GPC6: variants seen among roughly 807,000 people sequenced by gnomAD.
The protein encoded by GPC6 is glypican-6.
Under a neutral mutation model 55.2 loss-of-function variants are expected in GPC6, and 14 were observed. That is an observed-to-expected ratio of 0.25 (90% CI 0.17 to 0.40). The LOEUF (loss-of-function observed/expected upper bound fraction) is 0.40. Among genes scored for constraint, GPC6 ranks in the 10% least tolerant of loss-of-function variants. GPC6 has a pLI of 1.00. For synonymous variants in GPC6, 278 were observed against 259.6 expected (o/e 1.07, Z -0.68); for missense variants, 641 against 708.5 (o/e 0.90, Z 1.08).
At chr13:93,979,197 G>A (rs552846644) in intron 3 of GPC6, among the ~76,000 whole-genome samples, 1 of 151,894 alleles carries the variant, frequency 6.6e-6, no homozygotes. Flanking sequence ...GGGTGTGACT[G>A]AATTTATTAC....
At chr13:93,430,640 G>A (rs1324400519) in intron 1 of GPC6, among the ~76,000 whole-genome samples, 28 of 152,162 alleles carry the variant, frequency 1.8e-4, no homozygotes, top group African/African-American at 2.4e-5. Context: ...GCCATACTGA[G>A]TACAGAATTT....
chr13:94,109,272 G>T (rs1191636529), intron 4 of GPC6, among the ~76,000 whole-genome samples: 1 of 152,140 alleles, frequency 6.6e-6, no homozygotes, highest in Admixed American at 6.5e-5. Context: ...CAGAATTCTT[G>T]TAACAATCCC....
intron 1 of GPC6, among the ~76,000 whole-genome samples, chr13:93,283,432 T>A (rs1290294671): frequency 6.6e-6 from 1 of 152,198 alleles, no homozygotes; most frequent in Non-Finnish European, 1.5e-5. Context: ...CGGGCTGCTA[T>A]CAGTAATTCA....
intron 2 of GPC6, among the ~76,000 whole-genome samples, chr13:93,721,480 G>A (rs1363146000): frequency 6.6e-6 from 1 of 151,532 alleles, no homozygotes; most frequent in Non-Finnish European, 1.5e-5. Context: ...CATAAGTGTG[G>A]CAAAATGCAA....
At chr13:93,294,831 A>G (rs781498854) in intron 1 of GPC6, among the ~76,000 whole-genome samples, 2 of 152,054 alleles carry the variant, frequency 1.3e-5, no homozygotes, top group Non-Finnish European at 2.9e-5. Flanking sequence ...CACGTATCCA[A>G]CTACCTACTG....
intron 3 of GPC6, among the ~76,000 whole-genome samples, chr13:93,990,405 C>T (rs183423229): frequency 6.2e-4 from 94 of 151,994 alleles, no homozygotes; most frequent in African/African-American, 2.2e-3. Context: ...TTAGGCCAAG[C>T]TTTTAGGGAC....
intron 1 of GPC6, among the ~76,000 whole-genome samples, chr13:93,460,822 T>C (rs1227044772): frequency 2.0e-5 from 3 of 152,162 alleles, no homozygotes; most frequent in African/African-American, 7.2e-5. Flanking sequence ...TGATTATTAG[T>C]GTTATATTCC....
intron 2 of GPC6, among the ~76,000 whole-genome samples, chr13:93,754,705 A>G (rs1399781022): frequency 2.0e-5 from 3 of 152,028 alleles, no homozygotes; most frequent in African/African-American, 7.2e-5. Flanking sequence ...TTTTATTTAA[A>G]AAAAAAAAAC....
chr13:93,709,832 G>T (rs1387309118), intron 2 of GPC6, among the ~76,000 whole-genome samples: 1 of 151,738 alleles, frequency 6.6e-6, no homozygotes, highest in African/African-American at 2.4e-5. Context: ...AAAGATTTGA[G>T]TAGTTTACAC....
chr13:93,804,071 G>A (rs371589032), intron 2 of GPC6, among the ~76,000 whole-genome samples: 1 of 152,072 alleles, frequency 6.6e-6, no homozygotes, highest in African/African-American at 2.4e-5. Flanking sequence ...TGGATGAATT[G>A]TATGGAAGTA....
intron 2 of GPC6, among the ~76,000 whole-genome samples, chr13:93,667,629 C>T (rs1393146463): frequency 2.6e-5 from 4 of 151,960 alleles, no homozygotes; most frequent in East Asian, 3.9e-4. Flanking sequence ...CACAGGATTT[C>T]GCCACGTTAG....
intron 2 of GPC6, among the ~76,000 whole-genome samples, chr13:93,781,206 G>A (rs771746149): frequency 1.3e-5 from 2 of 151,676 alleles, no homozygotes; most frequent in Non-Finnish European, 2.9e-5. Flanking sequence ...AACCTGGGAG[G>A]CGGAGGTTGC....
At chr13:94,088,776 T>C (rs1367799676) in intron 4 of GPC6, among the ~76,000 whole-genome samples, 2 of 152,070 alleles carry the variant, frequency 1.3e-5, no homozygotes, top group Non-Finnish European at 2.9e-5. Context: ...TATAGCAGGA[T>C]GTTGGAAAAT....
At chr13:93,590,788 A>C (rs1877427444) in intron 2 of GPC6, among the ~76,000 whole-genome samples, 1 of 152,132 alleles carries the variant, frequency 6.6e-6, no homozygotes. Flanking sequence ...AGCCTTTAAC[A>C]AACTTGTGGT....
At chr13:94,221,806 T>C (rs2139002090) in intron 4 of GPC6, among the ~76,000 whole-genome samples, 1 of 152,164 alleles carries the variant, frequency 6.6e-6, no homozygotes, top group East Asian at 1.9e-4. Context: ...GCTCCTAAAA[T>C]AAAGCTCGAA....
intron 4 of GPC6, among the ~76,000 whole-genome samples, chr13:94,161,669 G>A (rs1239995089): frequency 6.6e-6 from 1 of 152,112 alleles, no homozygotes; most frequent in Non-Finnish European, 1.5e-5. Context: ...TCAGAAAACA[G>A]CAGTACTATC....
At chr13:93,384,100 G>T (rs921778100) in intron 1 of GPC6, among the ~76,000 whole-genome samples, 1 of 152,060 alleles carries the variant, frequency 6.6e-6, no homozygotes, top group African/African-American at 2.4e-5. Context: ...TGAGAAAAAT[G>T]AAGACAATTT....
intron 3 of GPC6, among the ~76,000 whole-genome samples, chr13:93,857,249 T>TAA (rs1220238568): frequency 6.6e-6 from 1 of 151,584 alleles, no homozygotes; most frequent in Admixed American, 6.6e-5. Flanking sequence ...AGTTTTCATG[T>TAA]AGAAGGAAGG....
chr13:93,698,272 T>C (rs1882530037), intron 2 of GPC6, among the ~76,000 whole-genome samples: 4 of 152,254 alleles, frequency 2.6e-5, no homozygotes, highest in Admixed American at 2.0e-4. Flanking sequence ...TGGCTTATTG[T>C]TTGTAGTCCT....
Sources: allele counts gnomAD v4.1 joint callset (sites outside exome capture counted in the v4.1 genomes callset), GRCh38; gene constraint gnomAD v4.1.1; transcripts MANE v1.5; gene names NCBI Gene and HGNC (gene_info 2026-07-23, HGNC 2026-07-21).